TOX2: variants seen among roughly 807,000 people sequenced by gnomAD.
TOX2 encodes the protein TOX high mobility group box family member 2, also known as granulosa cell HMG box 1.
A neutral mutation model predicts 47.4 loss-of-function variants in TOX2; 15 were observed. That is an observed-to-expected ratio of 0.32 (90% confidence interval 0.21 to 0.49). The LOEUF is 0.49. TOX2 is among the 20% of genes least tolerant of loss of function. The pLI, the probability that TOX2 is intolerant of heterozygous loss-of-function variation, is 0.99. For missense variants in TOX2, 622 were observed against 673.1 expected (o/e 0.92, Z 0.84); for synonymous variants, 290 against 296.6 (o/e 0.98, Z 0.23).
At chr20:44,059,962 T>C (rs752041956) in intron 5 of TOX2, among the ~76,000 whole-genome samples, 2 of 152,108 alleles carry the variant, frequency 1.3e-5, no homozygotes, top group Non-Finnish European at 2.9e-5. Context: ...AAATACAGAA[T>C]GGCAGAATGA....
chr20:44,008,467 C>T lies in TOX2; in HGVS notation c.411+1675C>T, dbSNP rs1180021809. Among the ~76,000 whole-genome samples the T allele has an allele frequency of 4.0e-5, 6 of 151,884 alleles. No individual in the cohort carries two copies. The East Asian group carries it at 9.7e-4, about 24-fold the overall frequency. The stretch of plus-strand genomic sequence containing the variant: ...ACCAGCTACTCAGAAGGTTGAGGCA[C>T]GAGAATTGCTTGAACCTGGGAGGTA... On this transcript the variant is annotated intron_variant, in intron 3 of 8. Transcript: ENST00000341197.
chr20:44,003,900 G>A lies in TOX2; in HGVS notation c.166-2647G>A, dbSNP rs73613447. Among the ~76,000 whole-genome samples, 294 of 152,240 alleles carry A rather than the reference G, an allele frequency of 1.9e-3. 8 individuals carry two copies. The East Asian group carries it at 0.049, about 25-fold the overall frequency. On this transcript the variant is annotated intron_variant, in intron 2 of 8. Transcript: ENST00000341197. ...TGGACTTCATCCTGAAGGCAGTGGGGAGCTCATCATTTGATGTGGGATTGA... is the reference window on the plus strand; with the variant it reads ...TGGACTTCATCCTGAAGGCAGTGGGAAGCTCATCATTTGATGTGGGATTGA...
chr20:43,926,620 C>T (rs1360835102), intron 1 of TOX2, among the ~76,000 whole-genome samples: 1 of 152,216 alleles, frequency 6.6e-6, no homozygotes, highest in Admixed American at 6.5e-5. Context: ...ATACACTGTA[C>T]AGTCTAAGGA....
At chr20:43,950,753 C>A (rs559321044) in intron 1 of TOX2, among the ~76,000 whole-genome samples, 2 of 152,114 alleles carry the variant, frequency 1.3e-5, no homozygotes. Flanking sequence ...TCAACTCTTT[C>A]TTCTTTCCAT....
intron 3 of TOX2, among the ~76,000 whole-genome samples, chr20:44,036,320 G>T (rs758451342): frequency 6.6e-6 from 1 of 152,238 alleles, no homozygotes; most frequent in Non-Finnish European, 1.5e-5. Flanking sequence ...TGCTGGGCAA[G>T]TGGGTGCAGC....
chr20:43,932,801 G>A (rs2145324316), intron 1 of TOX2, among the ~76,000 whole-genome samples: 1 of 149,784 alleles, frequency 6.7e-6, no homozygotes, highest in East Asian at 2.1e-4. Context: ...CTGACTGAGG[G>A]CAGGTCAGCG....
At chr20:43,983,153 C>A (rs2070198312) in intron 2 of TOX2, among the ~76,000 whole-genome samples, 1 of 151,970 alleles carries the variant, frequency 6.6e-6, no homozygotes, top group African/African-American at 2.4e-5. Flanking sequence ...CCTGTAGCAT[C>A]CCTTCCCGAT....
At chr20:44,008,746 T>A (rs1036057351) in intron 3 of TOX2, among the ~76,000 whole-genome samples, 1 of 152,198 alleles carries the variant, frequency 6.6e-6, no homozygotes, top group African/African-American at 2.4e-5. Context: ...TACGTACTAG[T>A]CATGACTCTT....
At chr20:43,925,909 C>T (rs2069161119) in intron 1 of TOX2, among the ~76,000 whole-genome samples, 1 of 152,154 alleles carries the variant, frequency 6.6e-6, no homozygotes, top group African/African-American at 2.4e-5. Context: ...TGGAATTTGG[C>T]CCGAGCTTGC....
chr20:43,972,431 C>T (rs747266297), intron 1 of TOX2, among the ~76,000 whole-genome samples: 4 of 152,212 alleles, frequency 2.6e-5, no homozygotes, highest in Non-Finnish European at 5.9e-5. Context: ...CCAAGGAGTA[C>T]TTTCTTAATA....
chr20:43,951,887 T>TTTTG (rs138391371), intron 1 of TOX2, among the ~76,000 whole-genome samples: 1 of 146,184 alleles, frequency 6.8e-6, no homozygotes, highest in African/African-American at 2.5e-5. Flanking sequence ...AAAAATAATT[T>TTTTG]TTTGTTTGTT....
intron 1 of TOX2, among the ~76,000 whole-genome samples, chr20:43,973,121 T>C (rs760266795): frequency 6.6e-6 from 1 of 152,222 alleles, no homozygotes; most frequent in Non-Finnish European, 1.5e-5. Context: ...GGTTTTCCTA[T>C]TTGCATTGTA....
intron 1 of TOX2, among the ~76,000 whole-genome samples, chr20:43,959,718 C>T (rs983656900): frequency 7.2e-5 from 11 of 152,242 alleles, no homozygotes; most frequent in Non-Finnish European, 1.3e-4. Context: ...ACCCGACGTA[C>T]GCTCATGCGG....
At chr20:43,998,720 C>CATACATCT (rs1369928383) in intron 2 of TOX2, among the ~76,000 whole-genome samples, 31 of 60,966 alleles carry the variant, frequency 5.1e-4, no homozygotes, top group African/African-American at 2.4e-3. Flanking sequence ...TGGCCTGATA[C>CATACATCT]ATCTATCTAT....
At chr20:43,962,238 A>G (rs1242573192) in intron 1 of TOX2, among the ~76,000 whole-genome samples, 1 of 152,116 alleles carries the variant, frequency 6.6e-6, no homozygotes, top group Non-Finnish European at 1.5e-5. Context: ...CATGCTATCT[A>G]TGTTAGGGGG....
intron 1 of TOX2, among the ~76,000 whole-genome samples, chr20:43,922,819 A>G (rs1471715149): frequency 6.6e-6 from 1 of 152,122 alleles, no homozygotes. Context: ...GGTTTCTCAG[A>G]TGTTCAACAG....
At chr20:44,049,820 T>C (rs1336124861) in intron 3 of TOX2, among the ~76,000 whole-genome samples, 1 of 152,228 alleles carries the variant, frequency 6.6e-6, no homozygotes, top group Non-Finnish European at 1.5e-5. Flanking sequence ...GAGGACATGA[T>C]TTCATCCCTT....
intron 5 of TOX2, among the ~76,000 whole-genome samples, chr20:44,060,922 ATGAAAT>A (rs1252825510): frequency 2.6e-5 from 4 of 152,180 alleles, no homozygotes; most frequent in Non-Finnish European, 5.9e-5. Context: ...GCAGAACTAA[ATGAAAT>A]TGAAACCAAA....
Position 43,944,121 on chromosome 20 carries a change from G to C in TOX2, c.99+29131G>C, listed in dbSNP as rs372956927. ...GCAAAATGCACCTCTCTTTTGCCTT[G>C]AGACGAGTGTCATGTGCCTTGGATC... On this transcript the variant is annotated intron_variant, in intron 1 of 8. Transcript: ENST00000341197. Among the ~76,000 whole-genome samples the C allele has an allele frequency of 2.0e-4, 30 of 152,248 alleles. No individual in the cohort carries two copies. The East Asian group carries it at 4.1e-3, about 21-fold the overall frequency.
Sources: allele counts gnomAD v4.1 joint callset (sites outside exome capture counted in the v4.1 genomes callset), GRCh38; gene constraint gnomAD v4.1.1; transcripts MANE v1.5; gene names NCBI Gene and HGNC (gene_info 2026-07-23, HGNC 2026-07-21).